The following SNX29 variants were observed in gnomAD, a reference collection of about 807,000 sequenced individuals.
SNX29 encodes the protein sorting nexin 29.
In SNX29, 78 loss-of-function variants were observed where a neutral mutation model predicts 102.1. The ratio of observed to expected loss-of-function variants is 0.76; its 90% CI spans 0.64 to 0.92. The LOEUF (loss-of-function observed/expected upper bound fraction) is 0.92, where lower values mean the gene tolerates loss of function less well. Ranked by LOEUF, SNX29 falls within the 40% of genes least tolerant of loss-of-function variation. The probability of loss-of-function intolerance (pLI) is 0.00; values close to 1 mark genes in which losing one functional copy is unlikely to be tolerated. For missense variants in SNX29, 1,280 were observed against 1,061.7 expected (o/e 1.21, Z -2.86); for synonymous variants, 580 against 414.5 (o/e 1.40, Z -4.85).
intron 13 of SNX29, among the ~76,000 whole-genome samples, chr16:12,141,008 A>G (rs182178117): frequency 6.6e-6 from 1 of 152,246 alleles, no homozygotes. Flanking sequence ...ATTTCAGTAC[A>G]TATTGGTCTG....
intron 18 of SNX29, among the ~76,000 whole-genome samples, chr16:12,441,751 T>A (rs150503167): frequency 1.1e-3 from 165 of 152,324 alleles, no homozygotes; most frequent in Middle Eastern, 3.4e-3. Flanking sequence ...GTTTTATAGT[T>A]TCAACTCTTA....
chr16:12,447,116 G>C (rs1350383049), intron 18 of SNX29, among the ~76,000 whole-genome samples: 1 of 133,206 alleles, frequency 7.5e-6, no homozygotes, highest in Non-Finnish European at 1.5e-5. Context: ...GCAGTGAGCC[G>C]AGATGGTGCC....
At chr16:12,392,403 A>G (rs1037073736) in intron 16 of SNX29, among the ~76,000 whole-genome samples, 1 of 152,148 alleles carries the variant, frequency 6.6e-6, no homozygotes, top group Non-Finnish European at 1.5e-5. Context: ...AGTAAGTTCG[A>G]TCATTTCCCC....
In SNX29 at chr16:12,369,554, A is replaced by C. The variant is rs141574825; in HGVS notation, c.1899+13275A>C. Among the ~76,000 whole-genome samples the C allele has an allele frequency of 2.1e-3, 320 of 152,344 alleles. 3 individuals are homozygous for C. The highest frequency in any genetic ancestry group is 7.2e-3 in the African/African-American group (301 of 41,590). The stretch of plus-strand genomic sequence containing the variant: ...GCCAGGTCCTCTCCTGTACATGGTC[A>C]GGTGATGACACTGTCCTTGACCATT... On this transcript the variant is annotated intron_variant, in intron 16 of 20. Transcript: ENST00000566228.
At chr16:12,271,066 T>C (rs1796225306) in intron 14 of SNX29, among the ~76,000 whole-genome samples, 1 of 152,228 alleles carries the variant, frequency 6.6e-6, no homozygotes, top group African/African-American at 2.4e-5. Context: ...AATAAAGTGG[T>C]CTCTCAAGAA....
intron 15 of SNX29, among the ~76,000 whole-genome samples, chr16:12,343,749 C>T (rs149026483): frequency 1.1e-3 from 163 of 152,238 alleles, no homozygotes; most frequent in Non-Finnish European, 1.7e-3. Flanking sequence ...CCTTGTCACA[C>T]TGATGCCCAG....
intron 13 of SNX29, among the ~76,000 whole-genome samples, chr16:12,192,237 C>A (rs1208175907): frequency 6.6e-6 from 1 of 152,180 alleles, no homozygotes; most frequent in Non-Finnish European, 1.5e-5. Flanking sequence ...CGTTCCCATG[C>A]TTTTAAAGAA....
At chr16:12,031,174 G>A (rs2057331504) in intron 4 of SNX29, among the ~76,000 whole-genome samples, 1 of 152,026 alleles carries the variant, frequency 6.6e-6, no homozygotes, top group African/African-American at 2.4e-5. Context: ...CTGGGTTCAG[G>A]TGATTCTCGT....
chr16:12,278,792 A>C (rs1049373989), intron 15 of SNX29, among the ~76,000 whole-genome samples: 1 of 152,236 alleles, frequency 6.6e-6, no homozygotes, highest in Non-Finnish European at 1.5e-5. Context: ...CGCATATTAA[A>C]AGAACAGTGC....
intron 18 of SNX29, among the ~76,000 whole-genome samples, chr16:12,427,786 C>A (rs1267975370): frequency 6.6e-6 from 1 of 152,200 alleles, no homozygotes; most frequent in East Asian, 1.9e-4. Context: ...TGACACAGAG[C>A]CCTGATGTGT....
At chr16:12,354,317 T>G (rs551312097) in intron 15 of SNX29, among the ~76,000 whole-genome samples, 1 of 152,222 alleles carries the variant, frequency 6.6e-6, no homozygotes, top group Non-Finnish European at 1.5e-5. Flanking sequence ...AAATTTTGTC[T>G]CTTAAGTTGC....
chr16:12,096,338 A>G lies in SNX29; in HGVS notation c.1402+17423A>G, dbSNP rs988636465. Among the ~76,000 whole-genome samples the G allele has an allele frequency of 1.3e-5, 2 of 152,222 alleles. No individual in the cohort carries two copies. The highest frequency in any genetic ancestry group is 6.5e-5 in the Admixed American group (1 of 15,288). Reference sequence around the variant, plus strand: ...TTTATTCATTCACCAAACATTTACCAAACATCTCTCATGTGCTGGGCGCAG... The same window carrying G: ...TTTATTCATTCACCAAACATTTACCGAACATCTCTCATGTGCTGGGCGCAG... On this transcript the variant is annotated intron_variant, in intron 11 of 20. Coordinates refer to ENST00000566228, the MANE Select transcript of SNX29 (RefSeq NM_032167.5). The surrounding 1 kb of genome is among the most constrained non-coding windows in gnomAD (Gnocchi z 4.2).
chr16:12,392,715 G>A (rs2083572281), intron 16 of SNX29, among the ~76,000 whole-genome samples: 1 of 152,202 alleles, frequency 6.6e-6, no homozygotes, highest in Non-Finnish European at 1.5e-5. Context: ...TTTACTCCTA[G>A]CAAAGAATCC....
intron 18 of SNX29, among the ~76,000 whole-genome samples, chr16:12,457,864 G>A (rs914584353): frequency 6.6e-6 from 1 of 152,188 alleles, no homozygotes; most frequent in African/African-American, 2.4e-5. Flanking sequence ...GTCTGCATAC[G>A]GGTGCAATTT....
intron 20 of SNX29, among the ~76,000 whole-genome samples, chr16:12,553,474 G>A (rs558793921): frequency 4.6e-5 from 7 of 152,090 alleles, no homozygotes; most frequent in Non-Finnish European, 8.8e-5. Flanking sequence ...ACCAGCCCCA[G>A]CTGCTTAGAC....
intron 20 of SNX29, among the ~76,000 whole-genome samples, chr16:12,535,190 G>A (rs2077040402): frequency 6.6e-6 from 1 of 152,192 alleles, no homozygotes; most frequent in Non-Finnish European, 1.5e-5. Context: ...CAAGGCTGGA[G>A]TGCAGTGGTG....
At chr16:12,414,333 C>T (rs376793990) in intron 18 of SNX29, among the ~76,000 whole-genome samples, 40 of 152,240 alleles carry the variant, frequency 2.6e-4, no homozygotes, top group African/African-American at 8.9e-4. Context: ...ATGATCACAC[C>T]GCTGCACTCC....
At chr16:12,547,957 C>T (rs553629773) in intron 20 of SNX29, among the ~76,000 whole-genome samples, 6 of 152,140 alleles carry the variant, frequency 3.9e-5, no homozygotes, top group Non-Finnish European at 7.3e-5. Flanking sequence ...TCAAGGTGCT[C>T]AGTCTTTTGG....
At chr16:12,444,816 T>C (rs1218925523) in intron 18 of SNX29, among the ~76,000 whole-genome samples, 2 of 151,108 alleles carry the variant, frequency 1.3e-5, no homozygotes, top group African/African-American at 4.9e-5. Flanking sequence ...GTGGGCCACA[T>C]TGTCCCCTCG....
Sources: gnomAD v4.1 joint callset for allele counts (sites outside exome capture counted in the v4.1 genomes callset) on GRCh38, gnomAD v4.1.1 for gene constraint, Gnocchi (gnomAD v3.1) non-coding constraint, MANE v1.5 for transcripts, NCBI Gene and HGNC (gene_info 2026-07-23, HGNC 2026-07-21) for gene names.